The following DCC variants were observed in gnomAD, a reference collection of about 807,000 sequenced individuals.
DCC encodes the protein DCC netrin 1 receptor.
In DCC, 58 loss-of-function variants were observed where a neutral mutation model predicts 172.5. That is an observed-to-expected ratio of 0.34 (90% confidence interval 0.27 to 0.42). The LOEUF (loss-of-function observed/expected upper bound fraction) is 0.42. DCC is among the 10% of genes least tolerant of loss of function. The pLI, the probability that DCC is intolerant of heterozygous loss-of-function variation, is 1.00. For missense variants in DCC, 1,740 were observed against 1,791.0 expected (o/e 0.97, Z 0.51); for synonymous variants, 709 against 644.5 (o/e 1.10, Z -1.52).
intron 2 of DCC, among the ~76,000 whole-genome samples, chr18:52,777,144 C>G (rs1375540492): frequency 6.6e-6 from 1 of 152,190 alleles, no homozygotes; most frequent in Non-Finnish European, 1.5e-5. Flanking sequence ...TTTATGTCCA[C>G]ACATCTGCCT....
At chr18:52,884,570 A>C (rs2039542109) in intron 2 of DCC, among the ~76,000 whole-genome samples, 2 of 152,044 alleles carry the variant, frequency 1.3e-5, no homozygotes, top group Admixed American at 1.3e-4. Context: ...CTCTTTGTGA[A>C]ATTTCTGATA....
chr18:52,627,686 G>A (rs1014836809), intron 1 of DCC, among the ~76,000 whole-genome samples: 8 of 152,190 alleles, frequency 5.3e-5, no homozygotes, highest in African/African-American at 1.9e-4. Context: ...TGAAGGACAG[G>A]GAGGTAAAGC....
At chr18:53,336,999 T>A (rs945949941) in intron 14 of DCC, among the ~76,000 whole-genome samples, 16 of 152,248 alleles carry the variant, frequency 1.1e-4, no homozygotes, top group African/African-American at 3.6e-4. Context: ...ATTGAAACAT[T>A]TTCATGCAGT....
chr18:52,933,152 G>A (rs550238737), intron 5 of DCC, among the ~76,000 whole-genome samples: 1 of 152,054 alleles, frequency 6.6e-6, no homozygotes, highest in Non-Finnish European at 1.5e-5. Context: ...AATGAATATA[G>A]TTTCTAGTCC....
chr18:52,496,798 G>A (rs1020510586), intron 1 of DCC, among the ~76,000 whole-genome samples: 1 of 151,924 alleles, frequency 6.6e-6, no homozygotes, highest in African/African-American at 2.4e-5. Flanking sequence ...TTTCTCATCA[G>A]TTTAAATCTC....
chr18:52,923,937 T>G (rs1270320437), intron 4 of DCC, 80 bp downstream of exon 4: 2 of 1,044,960 alleles, frequency 1.9e-6, no homozygotes, highest in African/African-American at 3.1e-5. Flanking sequence ...TAATTTGATA[T>G]AAGTACCTAC....
At chr18:53,369,050 T>C (rs556727534) in intron 15 of DCC, among the ~76,000 whole-genome samples, 1 of 152,148 alleles carries the variant, frequency 6.6e-6, no homozygotes, top group African/African-American at 2.4e-5. Context: ...AACAATGTTA[T>C]AGTTCTTCTA....
intron 1 of DCC, among the ~76,000 whole-genome samples, chr18:52,496,985 G>T (rs1195887695): frequency 2.6e-5 from 4 of 151,800 alleles, no homozygotes. Flanking sequence ...AGGCATGGTG[G>T]TTCACACCTG....
chr18:52,627,602 G>A (rs1244928043), intron 1 of DCC, among the ~76,000 whole-genome samples: 1 of 152,176 alleles, frequency 6.6e-6, no homozygotes, highest in South Asian at 2.1e-4. Context: ...TCTCTGCAGA[G>A]AACAACTTCT....
intron 2 of DCC, among the ~76,000 whole-genome samples, chr18:52,787,234 T>C (rs2037676656): frequency 6.6e-6 from 1 of 152,154 alleles, no homozygotes; most frequent in Non-Finnish European, 1.5e-5. Context: ...AACATTTCAG[T>C]TCTTCATAAG....
chr18:52,493,673 C>T (rs1339303986), intron 1 of DCC, among the ~76,000 whole-genome samples: 1 of 151,970 alleles, frequency 6.6e-6, no homozygotes, highest in Non-Finnish European at 1.5e-5. Context: ...CATTTTATAA[C>T]TTCGAGTTTT....
chr18:52,972,358 G>A (rs2041043738), intron 5 of DCC, among the ~76,000 whole-genome samples: 3 of 152,026 alleles, frequency 2.0e-5, no homozygotes, highest in Admixed American at 2.0e-4. Context: ...ACATAAATAA[G>A]CTAAAATTTT....
chr18:52,859,144 T>A (rs1560520), intron 2 of DCC, among the ~76,000 whole-genome samples: 45,703 of 151,354 alleles, frequency 0.3, 8,176 homozygotes, highest in Non-Finnish European at 0.42. Flanking sequence ...AAAAAAAAAA[T>A]TAAAATTATA....
intron 2 of DCC, among the ~76,000 whole-genome samples, chr18:52,774,772 TG>T (rs1424869430): frequency 3.9e-5 from 1 of 25,764 alleles, no homozygotes; most frequent in Non-Finnish European, 9.5e-5. Context: ...TAAGGAGAGG[TG>T]CCCCTGAACC....
intron 1 of DCC, among the ~76,000 whole-genome samples, chr18:52,453,744 A>G (rs1988377158): frequency 1.3e-5 from 2 of 152,096 alleles, no homozygotes; most frequent in Non-Finnish European, 1.5e-5. Flanking sequence ...TTCCTCTAAC[A>G]TCTTGCTCTG....
chr18:53,232,145 G>A (rs866007516), intron 12 of DCC, among the ~76,000 whole-genome samples: 101 of 152,126 alleles, frequency 6.6e-4, no homozygotes, highest in Admixed American at 2.3e-3. Context: ...TTTCTCTTGC[G>A]GCATGACTTT....
intron 12 of DCC, among the ~76,000 whole-genome samples, chr18:53,273,713 G>T (rs1331533431): frequency 6.7e-6 from 1 of 149,386 alleles, no homozygotes; most frequent in African/African-American, 2.5e-5. Flanking sequence ...ATCTCCTTAG[G>T]TCCTATCTCT....
intron 8 of DCC, among the ~76,000 whole-genome samples, chr18:53,163,326 C>A (rs143435021): frequency 6.6e-6 from 1 of 152,000 alleles, no homozygotes; most frequent in Non-Finnish European, 1.5e-5. Flanking sequence ...GACTACAGTT[C>A]AATAAAAACT....
intron 8 of DCC, among the ~76,000 whole-genome samples, chr18:53,169,863 G>C (rs1159409172): frequency 6.6e-6 from 1 of 152,260 alleles, no homozygotes; most frequent in East Asian, 1.9e-4. Context: ...AGTGAGCAGA[G>C]AGGAAATCCT....
Sources: gnomAD v4.1 joint callset for allele counts (sites outside exome capture counted in the v4.1 genomes callset) on GRCh38, gnomAD v4.1.1 for gene constraint, MANE v1.5 for transcripts, NCBI Gene and HGNC (gene_info 2026-07-23, HGNC 2026-07-21) for gene names.